MINDY4: variants seen among roughly 807,000 people sequenced by gnomAD.
MINDY4 encodes probable ubiquitin carboxyl-terminal hydrolase MINDY-4.
A neutral mutation model predicts 87.0 loss-of-function variants in MINDY4; 68 were observed. That is an observed-to-expected ratio of 0.78 (90% CI 0.64 to 0.96). The LOEUF (loss-of-function observed/expected upper bound fraction) is 0.96, where lower values mean the gene tolerates loss of function less well. Ranked by LOEUF, MINDY4 falls within the 40% of genes least tolerant of loss-of-function variation. The pLI is 0.00. For synonymous variants in MINDY4, 379 were observed against 363.2 expected, an observed-to-expected ratio of 1.04 and a Z score of -0.50; for missense variants, 919 against 928.2, an observed-to-expected ratio of 0.99 and a Z score of 0.13.
chr7:30,824,312 T>C (rs1788432343), intron 5 of MINDY4, among the ~76,000 whole-genome samples: 1 of 152,192 alleles, frequency 6.6e-6, no homozygotes, highest in African/African-American at 2.4e-5. Flanking sequence ...CCCACTCCCA[T>C]AACAACTTGT....
At chr7:30,777,787 G>A (rs560511863) in intron 1 of MINDY4, among the ~76,000 whole-genome samples, 1 of 152,318 alleles carries the variant, frequency 6.6e-6, no homozygotes, top group South Asian at 2.1e-4. Context: ...AACTGCTGTG[G>A]TTGTTTTTCA....
Position 30,875,544 on chromosome 7 carries a change from A to G in MINDY4, c.1859A>G (p.Asn620Ser), listed in dbSNP as rs200421570. ...GGGAAAGCTGTGTCCAACGTTTTCA[A>G]CGATGTGGTTGAGCTGGATTCTGGG... The part of the protein sequence containing the change: ...LTGKAVSNVF[N>S]DVVELDSGDG... Residue 620 changes from asparagine to serine, a missense_variant, in exon 15 of 18, where the codon AAC (asparagine) becomes AGC (serine). Physicochemically the swap from Asn to Ser is conservative, Grantham distance 46. Transcript: ENST00000265299. The G allele has an allele frequency of 4.3e-5, 69 of 1,614,252 alleles. No individual in the cohort carries two copies. The East Asian group carries it at 1.1e-3, about 26-fold the overall frequency.
intron 5 of MINDY4, among the ~76,000 whole-genome samples, chr7:30,794,100 T>G (rs1200224643): frequency 3.9e-5 from 6 of 152,230 alleles, no homozygotes. Flanking sequence ...GGCGTCTTTG[T>G]GTAGTGCACA....
chr7:30,835,388 A>G (rs1788827247), intron 6 of MINDY4, among the ~76,000 whole-genome samples: 1 of 152,244 alleles, frequency 6.6e-6, no homozygotes, highest in Non-Finnish European at 1.5e-5. Context: ...TGATTCGGTT[A>G]TCTCTCACTG....
chr7:30,879,044 A>G (rs1790375658), intron 15 of MINDY4, among the ~76,000 whole-genome samples: 1 of 152,144 alleles, frequency 6.6e-6, no homozygotes, highest in Non-Finnish European at 1.5e-5. Context: ...ACACAATCAT[A>G]TCATTCCTTT....
intron 12 of MINDY4, 128 bp downstream of exon 12, chr7:30,853,587 G>A: frequency 1.2e-6 from 1 of 831,308 alleles, no homozygotes; most frequent in Non-Finnish European, 2.0e-6. Context: ...AAGCTGGGAA[G>A]GAGTAATGCT....
chr7:30,884,070 CT>C (rs1310005371), intron 17 of MINDY4, among the ~76,000 whole-genome samples: 1 of 152,136 alleles, frequency 6.6e-6, no homozygotes, highest in African/African-American at 2.4e-5. Flanking sequence ...ATTTCTCTGC[CT>C]GTGAAATGGT....
In MINDY4 at chr7:30,778,511, G is replaced by A. The variant is rs747484902; in HGVS notation, c.143G>A (p.Arg48Gln). 2.5e-6 allele frequency: 4 copies of A among 1,614,078 alleles called. No individual in the cohort carries two copies. Among genetic ancestry groups the A allele is most frequent in the Non-Finnish European group, 2.5e-6 (3 of 1,180,022 alleles). The change falls in exon 2 of 18, where the codon CGA becomes CAA. Residue 48 changes from arginine (R) to glutamine (Q), a missense_variant. Coordinates refer to ENST00000265299, the MANE Select transcript of MINDY4 (RefSeq NM_032222.3). The stretch of plus-strand genomic sequence containing the variant: ...AGCATAAACAACAGAAATGATCTTC[G>A]AAAGGTTTTGCATCTTGAATTTCTC... Reference protein sequence around the residue: ...DLSINNRNDLRKVLHLEFLYK... With the variant: ...DLSINNRNDLQKVLHLEFLYK...
intron 13 of MINDY4, among the ~76,000 whole-genome samples, chr7:30,868,818 G>A (rs981905272): frequency 9.9e-5 from 15 of 152,108 alleles, no homozygotes; most frequent in African/African-American, 3.6e-4. Flanking sequence ...GGCATCCCTG[G>A]AGGCTGGGTC....
intron 9 of MINDY4, among the ~76,000 whole-genome samples, chr7:30,847,729 T>G (rs965419941): frequency 6.7e-6 from 1 of 148,422 alleles, no homozygotes; most frequent in African/African-American, 2.5e-5. Context: ...TTTTGTTGTT[T>G]GTTCGTTTTT....
intron 12 of MINDY4, chr7:30,859,053 C>T (rs1471417929): frequency 1.4e-6 from 1 of 714,838 alleles, no homozygotes; most frequent in Admixed American, 2.0e-5. Context: ...ATCACCCTCG[C>T]TCTGCTGTCA....
At chr7:30,837,227 G>A (rs745431996) in intron 7 of MINDY4, among the ~76,000 whole-genome samples, 7 of 152,110 alleles carry the variant, frequency 4.6e-5, no homozygotes, top group Non-Finnish European at 1.0e-4. Flanking sequence ...GTGGTCACAG[G>A]GGACCAGGAG....
At chr7:30,829,601 T>C (rs1788634241) in intron 6 of MINDY4, among the ~76,000 whole-genome samples, 1 of 152,124 alleles carries the variant, frequency 6.6e-6, no homozygotes, top group Admixed American at 6.5e-5. Flanking sequence ...TTGATGAGAT[T>C]GAAAGAAAGG....
intron 5 of MINDY4, among the ~76,000 whole-genome samples, chr7:30,815,651 A>G (rs534050561): frequency 9.8e-5 from 15 of 152,338 alleles, no homozygotes; most frequent in Middle Eastern, 3.4e-3. Flanking sequence ...TTCCAGAGAC[A>G]TGCTTCATAG....
rs75555700 is a variant in MINDY4, at chr7:30,782,342, T to G, written c.419+130T>G. Reference sequence around the variant, plus strand: ...CAATATAGTCTCTGTGTGTGTATGTTTGTGTGTGTGTGTGTGTGTGTGTGT... The same window carrying G: ...CAATATAGTCTCTGTGTGTGTATGTGTGTGTGTGTGTGTGTGTGTGTGTGT... On this transcript the variant is annotated intron_variant, in intron 3 of 17. Coordinates refer to ENST00000265299, the MANE Select transcript of MINDY4 (RefSeq NM_032222.3). 2,472 of 578,528 alleles carry G rather than the reference T, an allele frequency of 4.3e-3. 14 individuals carry two copies. Among genetic ancestry groups the G allele is most frequent in the East Asian group, 0.03 (760 of 25,380 alleles). The allele number at this position is 578,528 out of a possible 1,614,324, so 35.8% of individuals were successfully genotyped here.
intron 3 of MINDY4, among the ~76,000 whole-genome samples, chr7:30,784,343 C>G (rs932166596): frequency 2.6e-5 from 4 of 152,214 alleles, no homozygotes; most frequent in African/African-American, 9.7e-5. Context: ...GAGCTCTTCA[C>G]CCAGAGTGAT....
At chr7:30,828,404 A>T (rs535475014) in intron 5 of MINDY4, among the ~76,000 whole-genome samples, 6 of 152,252 alleles carry the variant, frequency 3.9e-5, no homozygotes, top group African/African-American at 1.4e-4. Context: ...AGTGCTTGGC[A>T]AACGCCAACC....
At chr7:30,801,824 G>A (rs754145904) in intron 5 of MINDY4, among the ~76,000 whole-genome samples, 5 of 152,200 alleles carry the variant, frequency 3.3e-5, no homozygotes, top group Non-Finnish European at 5.9e-5. Flanking sequence ...TCCAGAAAGT[G>A]CGGCTAAAGA....
chr7:30,813,992 G>T (rs913888496), intron 5 of MINDY4, among the ~76,000 whole-genome samples: 4 of 152,160 alleles, frequency 2.6e-5, no homozygotes, highest in African/African-American at 7.2e-5. Context: ...GCAGGACAGA[G>T]AATCAGTCTC....
Sources: gnomAD v4.1 joint callset for allele counts (sites outside exome capture counted in the v4.1 genomes callset) on GRCh38, gnomAD v4.1.1 for gene constraint, MANE v1.5 for transcripts, NCBI Gene and HGNC (gene_info 2026-07-23, HGNC 2026-07-21) for gene names.